PAH: variants seen among roughly 807,000 people sequenced by gnomAD.
PAH encodes phenylalanine-4-hydroxylase.
In PAH, 64 loss-of-function variants were observed where a neutral mutation model predicts 62.0. The observed-to-expected ratio is 1.03, with a 90% CI of 0.84 to 1.27. The LOEUF is 1.27. Among genes scored for constraint, PAH ranks in the 50% most tolerant of loss-of-function variants. The pLI is 0.00. For synonymous variants in PAH, 195 were observed against 196.2 expected (o/e 0.99, Z 0.05); for missense variants, 579 against 542.8 (o/e 1.07, Z -0.66).
At chr12:102,930,367 C>A (rs972679967) in intron 1 of PAH, among the ~76,000 whole-genome samples, 2 of 137,480 alleles carry the variant, frequency 1.5e-5, no homozygotes, top group Non-Finnish European at 3.0e-5. Flanking sequence ...TACATATTTT[C>A]ATCTTTTTTT....
chr12:102,888,707 A>G (rs1033312672), intron 3 of PAH, among the ~76,000 whole-genome samples: 3 of 151,694 alleles, frequency 2.0e-5, no homozygotes, highest in African/African-American at 4.9e-5. Flanking sequence ...TGATCCTCTC[A>G]GCTGGAGTCT....
At chr12:102,931,217 C>T (rs897671950) in intron 1 of PAH, among the ~76,000 whole-genome samples, 2 of 151,996 alleles carry the variant, frequency 1.3e-5, no homozygotes, top group Non-Finnish European at 2.9e-5. Context: ...TTTTGTATTC[C>T]TTTCCTTAAA....
intron 11 of PAH, among the ~76,000 whole-genome samples, chr12:102,842,926 G>A (rs1207548350): frequency 6.6e-6 from 1 of 152,134 alleles, no homozygotes; most frequent in Non-Finnish European, 1.5e-5. Flanking sequence ...GGATATTCAT[G>A]TCCAGGTGGA....
intron 8 of PAH, among the ~76,000 whole-genome samples, chr12:102,850,373 T>C (rs1394902817): frequency 1.3e-5 from 2 of 152,224 alleles, no homozygotes; most frequent in South Asian, 2.1e-4. Flanking sequence ...AGCAATAAAT[T>C]CCACTTTTTT....
At chr12:102,908,474 G>GCTC (rs1397047232) in intron 2 of PAH, among the ~76,000 whole-genome samples, 2 of 152,182 alleles carry the variant, frequency 1.3e-5, no homozygotes, top group African/African-American at 2.4e-5. Flanking sequence ...TGGACAGTTT[G>GCTC]TTGCTCAGAA....
intron 1 of PAH, among the ~76,000 whole-genome samples, chr12:102,938,972 G>A (rs952454884): frequency 2.0e-5 from 3 of 150,688 alleles, no homozygotes; most frequent in Non-Finnish European, 4.4e-5. Context: ...CCATTGCCAC[G>A]GCAGCATATC....
At chr12:102,896,317 G>T (rs945678532) in intron 2 of PAH, among the ~76,000 whole-genome samples, 1 of 152,170 alleles carries the variant, frequency 6.6e-6, no homozygotes, top group Admixed American at 6.5e-5. Flanking sequence ...GAGTGGATGA[G>T]GTCAAGGGGA....
rs1380661239 is a variant in PAH, at chr12:102,868,009, TACATATATACATATA to T, written c.442-1361_442-1347del. Among the ~76,000 whole-genome samples the T allele has an allele frequency of 1.4e-5, 2 of 142,296 alleles. 1 individual carries two copies. The highest frequency in any genetic ancestry group is 5.2e-5 in the African/African-American group (2 of 38,490). 93.4% of individuals were successfully genotyped at this position (142,296 alleles called of 152,430 possible). On this transcript the variant is annotated intron_variant, in intron 4 of 12. Coordinates refer to ENST00000553106, the MANE Select transcript of PAH (RefSeq NM_000277.3). ...TGTATATTACATGTATATATGTATA[TACATATATACATATA>T]TACATGTATATACACCTATATATAT...
Position 102,882,642 on chromosome 12 carries a change from C to CTATATATATATA in PAH, c.353-5104_353-5093dup, listed in dbSNP as rs869088873. 8.2e-5 allele frequency among the ~76,000 whole-genome samples: 7 copies of CTATATATATATA among 85,864 alleles called. No homozygotes were observed. The East Asian group carries it at 1.9e-3, about 23-fold the overall frequency. The allele number at this position is 85,864 out of a possible 152,430, so 56.3% of individuals were successfully genotyped here. On this transcript the variant is annotated intron_variant, in intron 3 of 12. Coordinates refer to ENST00000553106, the MANE Select transcript of PAH (RefSeq NM_000277.3). Reference sequence around the variant, plus strand: ...CTGTATATATATGCATATATATACACTATATATATATATATATATATATAT... The same window carrying CTATATATATATA: ...CTGTATATATATGCATATATATACACTATATATATATATATATATATATATATATATATATAT...
intron 1 of PAH, among the ~76,000 whole-genome samples, chr12:102,935,585 G>C (rs935165958): frequency 1.3e-5 from 2 of 152,046 alleles, no homozygotes; most frequent in Non-Finnish European, 2.9e-5. Context: ...TTATTGGTCT[G>C]TTCAGGTTTT....
chr12:102,873,992 G>A (rs1617090), intron 4 of PAH, among the ~76,000 whole-genome samples: 56,926 of 152,044 alleles, frequency 0.37, 11,448 homozygotes, highest in Non-Finnish European at 0.44. Context: ...TGCCTCCCAT[G>A]AGGTTATAAG....
intron 1 of PAH, among the ~76,000 whole-genome samples, chr12:102,932,564 T>C (rs76583733): frequency 0.02 from 2,978 of 152,314 alleles, 56 homozygotes; most frequent in African/African-American, 0.04. Context: ...ATTAAGTGTT[T>C]TGCATGCCAC....
At chr12:102,840,324 C>T in intron 12 of PAH, 76 bp downstream of exon 12, 2 of 899,620 alleles carry the variant, frequency 2.2e-6, no homozygotes, top group East Asian at 4.9e-5. Context: ...TATTATTTTT[C>T]CTATGGCGAT....
chr12:102,857,560 A>C (rs1179832278), intron 5 of PAH, among the ~76,000 whole-genome samples: 5 of 152,370 alleles, frequency 3.3e-5, no homozygotes, highest in Admixed American at 3.3e-4. Context: ...AAAAATGTTA[A>C]GGGCAGCCAG....
intron 1 of PAH, among the ~76,000 whole-genome samples, chr12:102,922,979 C>T (rs1018106097): frequency 1.3e-5 from 2 of 152,178 alleles, no homozygotes; most frequent in African/African-American, 4.8e-5. Context: ...ATGAGTTCTA[C>T]CAACTTACAT....
At chr12:102,869,422 AAC>A (rs1471737654) in intron 4 of PAH, among the ~76,000 whole-genome samples, 1 of 152,268 alleles carries the variant, frequency 6.6e-6, no homozygotes, top group East Asian at 1.9e-4. Flanking sequence ...AAAAATAAGT[AAC>A]ACTAACAGTT....
intron 1 of PAH, among the ~76,000 whole-genome samples, chr12:102,929,752 A>C (rs1177661162): frequency 6.6e-6 from 1 of 152,174 alleles, no homozygotes; most frequent in African/African-American, 2.4e-5. Context: ...AGATGAAGAA[A>C]ATAGGATGAA....
chr12:102,946,643 G>C (rs935811364), intron 1 of PAH: 1 of 152,848 alleles, frequency 6.5e-6, no homozygotes, highest in Non-Finnish European at 1.5e-5. Context: ...TTGGGGTGAT[G>C]GGGGAGGAGT....
At chr12:102,945,922 A>G (rs974889100) in intron 1 of PAH, 1 of 152,212 alleles carries the variant, frequency 6.6e-6, no homozygotes, top group Non-Finnish European at 1.5e-5. Flanking sequence ...CCTGAAGCCA[A>G]GGCCCATGGA....
Sources: gnomAD v4.1 joint callset for allele counts (sites outside exome capture counted in the v4.1 genomes callset) on GRCh38, gnomAD v4.1.1 for gene constraint, MANE v1.5 for transcripts, NCBI Gene and HGNC (gene_info 2026-07-23, HGNC 2026-07-21) for gene names.